Variants in ADARB2 observed in about 807,000 individuals in gnomAD.
ADARB2 encodes adenosine deaminase RNA specific B2 (inactive).
A neutral mutation model predicts 62.2 loss-of-function variants in ADARB2; 25 were observed. The ratio of observed to expected loss-of-function variants is 0.40; its 90% CI spans 0.29 to 0.56. The LOEUF is 0.56. Among genes scored for constraint, ADARB2 ranks in the 20% least tolerant of loss-of-function variants. ADARB2 has a pLI of 0.43. For missense variants in ADARB2, 1,071 were observed against 1,077.4 expected (o/e 0.99, Z 0.08); for synonymous variants, 572 against 500.8 (o/e 1.14, Z -1.90).
At chr10:1,452,367 T>G (rs1290294317) in intron 1 of ADARB2, among the ~76,000 whole-genome samples, 1 of 152,130 alleles carries the variant, frequency 6.6e-6, no homozygotes, top group African/African-American at 2.4e-5. Context: ...ATAAAAAAAC[T>G]TCTTGGTTTT....
chr10:1,603,852 T>G (rs7914359), intron 1 of ADARB2, among the ~76,000 whole-genome samples: 139,380 of 152,030 alleles, frequency 0.92, 63,914 homozygotes, highest in South Asian at 0.94. Context: ...CTCCAGGCTG[T>G]AATGCAGTGG....
intron 6 of ADARB2, among the ~76,000 whole-genome samples, chr10:1,218,431 G>C (rs1482798661): frequency 6.6e-6 from 1 of 152,204 alleles, no homozygotes; most frequent in African/African-American, 2.4e-5. Context: ...ATATAAAATA[G>C]TATAGTGATT....
intron 1 of ADARB2, among the ~76,000 whole-genome samples, chr10:1,393,485 G>C (rs1199703139): frequency 1.3e-5 from 2 of 152,194 alleles, no homozygotes; most frequent in African/African-American, 4.8e-5. Context: ...TTGTGGGTAC[G>C]CATTAGCCAT....
At chr10:1,190,948 C>T (rs2131736994) in intron 8 of ADARB2, among the ~76,000 whole-genome samples, 1 of 152,382 alleles carries the variant, frequency 6.6e-6, no homozygotes, top group South Asian at 2.1e-4. Context: ...GAGCAGCGCT[C>T]TTCCGGAGGA....
chr10:1,294,620 T>A (rs1172836746), intron 3 of ADARB2, among the ~76,000 whole-genome samples: 4 of 152,220 alleles, frequency 2.6e-5, no homozygotes, highest in African/African-American at 9.6e-5. Context: ...GCTTCCCCCA[T>A]CCAGCGATGG....
intron 1 of ADARB2, among the ~76,000 whole-genome samples, chr10:1,507,990 G>C (rs1389073130): frequency 6.6e-6 from 1 of 152,118 alleles, no homozygotes; most frequent in Non-Finnish European, 1.5e-5. Context: ...TCTGGTCCAA[G>C]GTTCCACAAT....
In ADARB2 at chr10:1,268,718, CTT is replaced by C. The variant is rs1831231018; in HGVS notation, c.1192+2235_1192+2236del. Among the ~76,000 whole-genome samples the C allele has an allele frequency of 3.3e-5, 5 of 152,250 alleles. No homozygotes were observed. In the South Asian group the frequency reaches 1.0e-3, roughly 32 times the overall value. On this transcript the variant is annotated intron_variant, in intron 4 of 9. Transcript: ENST00000381312. Reference sequence around the variant, plus strand: ...AATTTTTTAAAATCAGTGTTTGTCTCTTTACAATAGGAAAGTAAATTTAAGCA... The same window carrying C: ...AATTTTTTAAAATCAGTGTTTGTCTCTACAATAGGAAAGTAAATTTAAGCA...
At chr10:1,347,084 A>G (rs1304692848) in intron 3 of ADARB2, among the ~76,000 whole-genome samples, 1 of 152,214 alleles carries the variant, frequency 6.6e-6, no homozygotes, top group African/African-American at 2.4e-5. Flanking sequence ...TTTCAAGATG[A>G]GGAAGTGCAG....
chr10:1,506,843 T>C (rs894432261), intron 1 of ADARB2, among the ~76,000 whole-genome samples: 1 of 152,178 alleles, frequency 6.6e-6, no homozygotes, highest in Non-Finnish European at 1.5e-5. Context: ...GGCCCGGTGA[T>C]GGGATCAGTG....
chr10:1,266,798 C>T (rs1410235465), intron 4 of ADARB2, among the ~76,000 whole-genome samples: 1 of 152,080 alleles, frequency 6.6e-6, no homozygotes, highest in East Asian at 1.9e-4. Context: ...AGGAGTTGAG[C>T]AGAAGTTACA....
intron 2 of ADARB2, among the ~76,000 whole-genome samples, chr10:1,366,845 C>G (rs1008243170): frequency 1.3e-5 from 2 of 152,234 alleles, no homozygotes; most frequent in African/African-American, 2.4e-5. Flanking sequence ...CACTCATTGG[C>G]TTTGTCCGTG....
Position 1,207,688 on chromosome 10 carries a change from A to G in ADARB2, c.1683-7541T>C, listed in dbSNP as rs529582406. Among the ~76,000 whole-genome samples, 3 of 152,330 alleles carry G rather than the reference A, an allele frequency of 2.0e-5. No homozygotes were observed. In the South Asian group the frequency reaches 6.2e-4, roughly 32 times the overall value. ...GCCGTATTCCCCAGAGAGCAGCTGTAATTTCTTATGGTTCATTTTCATGGA... is the reference window on the plus strand; with the variant it reads ...GCCGTATTCCCCAGAGAGCAGCTGTGATTTCTTATGGTTCATTTTCATGGA... On this transcript the variant is annotated intron_variant, in intron 7 of 9. Coordinates refer to ENST00000381312, the MANE Select transcript of ADARB2 (RefSeq NM_018702.4).
intron 1 of ADARB2, among the ~76,000 whole-genome samples, chr10:1,653,816 T>C (rs970106739): frequency 7.9e-5 from 12 of 152,214 alleles, no homozygotes; most frequent in Admixed American, 7.9e-4. Context: ...AGAACTGATT[T>C]TTTTTCCTGT....
chr10:1,609,928 G>A (rs763543042), intron 1 of ADARB2, among the ~76,000 whole-genome samples: 45 of 152,348 alleles, frequency 3.0e-4, no homozygotes, highest in South Asian at 1.5e-3. Flanking sequence ...CTCTTCATTA[G>A]GATTGCAGCA....
chr10:1,243,828 T>G (rs908297323), intron 4 of ADARB2, among the ~76,000 whole-genome samples: 11 of 152,264 alleles, frequency 7.2e-5, no homozygotes, highest in African/African-American at 2.6e-4. Flanking sequence ...CATCCCAGCT[T>G]CTCCCAGCAG....
In ADARB2 at chr10:1,725,176, C is replaced by T. The variant is rs534476046; in HGVS notation, c.100+11875G>A. 2.0e-5 allele frequency among the ~76,000 whole-genome samples: 3 copies of T among 152,192 alleles called. No homozygotes were observed. The East Asian group carries it at 5.8e-4, about 29-fold the overall frequency. Reference sequence around the variant, plus strand: ...TGCATCGTGCTAACCTCAGGGGCCGCGTTAACGTGCTGTAAAATAGATACA... The same window carrying T: ...TGCATCGTGCTAACCTCAGGGGCCGTGTTAACGTGCTGTAAAATAGATACA... On this transcript the variant is annotated intron_variant, in intron 1 of 9. Transcript: ENST00000381312.
chr10:1,602,772 C>T (rs1480321354), intron 1 of ADARB2, among the ~76,000 whole-genome samples: 1 of 150,742 alleles, frequency 6.6e-6, no homozygotes, highest in Non-Finnish European at 1.5e-5. Context: ...CATACACACA[C>T]ATCCACATAC....
At chr10:1,618,178 C>G (rs1028481226) in intron 1 of ADARB2, among the ~76,000 whole-genome samples, 20 of 152,168 alleles carry the variant, frequency 1.3e-4, no homozygotes, top group Non-Finnish European at 2.8e-4. Context: ...AGGTGAGTCA[C>G]AGAATTGCTC....
intron 1 of ADARB2, among the ~76,000 whole-genome samples, chr10:1,618,529 C>G (rs1378644197): frequency 6.9e-6 from 1 of 145,334 alleles, no homozygotes; most frequent in Admixed American, 7.1e-5. Flanking sequence ...TGTTCAAGTA[C>G]AGTGTCACTA....
Sources: gnomAD v4.1 joint callset for allele counts (sites outside exome capture counted in the v4.1 genomes callset) on GRCh38, gnomAD v4.1.1 for gene constraint, MANE v1.5 for transcripts, NCBI Gene and HGNC (gene_info 2026-07-23, HGNC 2026-07-21) for gene names.